The following SLFN12 variants were observed in gnomAD, a reference collection of about 807,000 sequenced individuals.
The protein encoded by SLFN12 is schlafen family member 12.
A neutral mutation model predicts 29.1 loss-of-function variants in SLFN12; 25 were observed. The ratio of observed to expected loss-of-function variants is 0.86; its 90% CI spans 0.63 to 1.20. The LOEUF is 1.20. Among genes scored for constraint, SLFN12 ranks in the 50% most tolerant of loss-of-function variants. SLFN12 has a pLI of 0.00. For missense variants in SLFN12, 660 were observed against 666.2 expected (o/e 0.99, Z 0.10); for synonymous variants, 257 against 238.7 (o/e 1.08, Z -0.71).
At chr17:35,425,332 T>C (rs1567851526) in intron 1 of SLFN12, among the ~76,000 whole-genome samples, 1 of 152,170 alleles carries the variant, frequency 6.6e-6, no homozygotes. Flanking sequence ...ATACAACATA[T>C]TGTTAACTAT....
intron 2 of SLFN12, among the ~76,000 whole-genome samples, chr17:35,421,595 A>C (rs1911653962): frequency 7.8e-6 from 1 of 128,208 alleles, no homozygotes; most frequent in African/African-American, 3.1e-5. Flanking sequence ...GCTGGAGTGC[A>C]GTGGCGCAAT....
chr17:35,420,529 G>A (rs2142038970), intron 2 of SLFN12, 148 bp from the exon 3 acceptor site: 1 of 522,026 alleles, frequency 1.9e-6, no homozygotes, highest in South Asian at 3.3e-5. Flanking sequence ...AGATTCTTAG[G>A]TCAGATACAA....
intron 1 of SLFN12, among the ~76,000 whole-genome samples, chr17:35,428,046 G>A (rs1912108731): frequency 1.3e-5 from 2 of 152,108 alleles, no homozygotes; most frequent in East Asian, 3.9e-4. Flanking sequence ...CTGAATCTGT[G>A]GAAATAAAGG....
chr17:35,423,066 T>C lies in SLFN12; in HGVS notation c.-38A>G. The C allele has an allele frequency of 3.2e-6, 5 of 1,561,646 alleles. No homozygotes were observed. The highest frequency in any genetic ancestry group is 4.3e-6 in the Non-Finnish European group (5 of 1,157,496). ...TATGCAGTGTCCAAGCAGAAATTCTTTTCTGTAAAATAGACAGAGCCATTA... is the reference window on the plus strand; with the variant it reads ...TATGCAGTGTCCAAGCAGAAATTCTCTTCTGTAAAATAGACAGAGCCATTA... On this transcript the variant is annotated splice_region_variant and 5_prime_UTR_variant, in exon 2 of 4. Coordinates refer to ENST00000304905, the MANE Select transcript of SLFN12 (RefSeq NM_018042.5).
In SLFN12 at chr17:35,422,727, T is replaced by C. The variant is rs1453128771; in HGVS notation, c.302A>G (p.Asn101Ser). 5 of 1,614,050 alleles carry C rather than the reference T, an allele frequency of 3.1e-6. No individual in the cohort carries two copies. The highest frequency in any genetic ancestry group is 1.7e-5 in the Admixed American group (1 of 60,022). ...PEYLDFMQNGNYFLIFVKSWS... is the reference protein window; with the variant it reads ...PEYLDFMQNGSYFLIFVKSWS... ...TGACTTCACAAAAATCAGAAAGTAG[T>C]TACCATTCTGCATGAAGTCTAAGTA... is the stretch of plus-strand genomic sequence containing the variant. The change falls in exon 2 of 4, where the codon AAC becomes AGC. Residue 101 changes from asparagine (N) to serine (S), a missense_variant. Asn to Ser is a conservative substitution (Grantham distance 46, BLOSUM62 1). Coordinates refer to ENST00000304905, the MANE Select transcript of SLFN12 (RefSeq NM_018042.5).
chr17:35,415,249 A>G (rs1911248339), intron 3 of SLFN12, among the ~76,000 whole-genome samples: 1 of 152,136 alleles, frequency 6.6e-6, no homozygotes, highest in East Asian at 1.9e-4. Flanking sequence ...AAAACAAGCA[A>G]AAACAAAGTG....
At chr17:35,421,506 G>A (rs1831422882) in intron 2 of SLFN12, among the ~76,000 whole-genome samples, 1 of 150,444 alleles carries the variant, frequency 6.6e-6, no homozygotes, top group Admixed American at 6.6e-5. Context: ...TTCTTCTAAG[G>A]GTATAGAAGA....
In SLFN12 at chr17:35,422,393, T is replaced by C; in HGVS notation, c.636A>G (p.Glu212=). ...THVEIKNFST[E]KLLQRIKEIL... ...TCTCTTTAATTCGTTGTAACAACTT[T>C]TCTGTCGAGAAGTTTTTAATTTCAA... The change falls in exon 2 of 4, where the codon GAA becomes GAG. Residue 212 remains glutamate, a synonymous_variant. Coordinates refer to ENST00000304905, the MANE Select transcript of SLFN12 (RefSeq NM_018042.5). The C allele has an allele frequency of 6.2e-7, 1 of 1,613,956 alleles. No individual in the cohort carries two copies. The highest frequency in any genetic ancestry group is 2.2e-5 in the East Asian group (1 of 44,882).
intron 1 of SLFN12, among the ~76,000 whole-genome samples, chr17:35,425,647 C>A (rs1911966766): frequency 6.6e-6 from 1 of 151,846 alleles, no homozygotes; most frequent in South Asian, 2.1e-4. Context: ...ATATGTACCA[C>A]TTTTTCTTTA....
At chr17:35,421,209 A>AAAATAAATAAATAAAT (rs71152711) in intron 2 of SLFN12, among the ~76,000 whole-genome samples, 2 of 140,238 alleles carry the variant, frequency 1.4e-5, no homozygotes, top group Non-Finnish European at 3.1e-5. Context: ...ACTCCGTCTC[A>AAAATAAATAAATAAAT]AAATAAATAA....
In SLFN12 at chr17:35,423,120, A is replaced by T. The variant is rs973965399; in HGVS notation, c.-40-52T>A. Reference sequence around the variant, plus strand: ...TAGGACCTGAACTAGAAAGATAGCAAATTCTGTATTATGAGGCAAATGCAA... The same window carrying T: ...TAGGACCTGAACTAGAAAGATAGCATATTCTGTATTATGAGGCAAATGCAA... On this transcript the variant is annotated intron_variant, in intron 1 of 3. Transcript: ENST00000304905. 1.4e-4 allele frequency: 207 copies of T among 1,503,080 alleles called. 1 individual carries two copies. Among genetic ancestry groups the T allele is most frequent in the East Asian group, 6.8e-5 (3 of 44,192 alleles). The allele number at this position is 1,503,080 out of a possible 1,614,324, so 93.1% of individuals were successfully genotyped here.
intron 3 of SLFN12, among the ~76,000 whole-genome samples, chr17:35,418,549 T>C (rs188376406): frequency 6.6e-6 from 1 of 151,336 alleles, no homozygotes; most frequent in East Asian, 1.9e-4. Flanking sequence ...ATGATACTTA[T>C]TGTAAGAATA....
In SLFN12 at chr17:35,432,305, C is replaced by T. The variant is rs999243904; in HGVS notation, c.-158G>A. On this transcript the variant is annotated 5_prime_UTR_variant, in exon 1 of 4. Coordinates refer to ENST00000304905, the MANE Select transcript of SLFN12 (RefSeq NM_018042.5). ...CAAGGAAAGAATGAAGCAACAAAAGCAGAGATTTATTGAAAACGAAAGTGC... is the reference window on the plus strand; with the variant it reads ...CAAGGAAAGAATGAAGCAACAAAAGTAGAGATTTATTGAAAACGAAAGTGC... 7.0e-4 allele frequency: 107 copies of T among 152,302 alleles called. 1 individual carries two copies. Among genetic ancestry groups the T allele is most frequent in the African/African-American group, 2.5e-3 (104 of 41,560 alleles). 9.4% of individuals were successfully genotyped at this position (152,302 alleles called of 1,614,324 possible).
intron 1 of SLFN12, among the ~76,000 whole-genome samples, chr17:35,428,093 C>CAAATATA (rs1255529431): frequency 6.6e-6 from 1 of 151,914 alleles, no homozygotes; most frequent in African/African-American, 2.4e-5. Flanking sequence ...TGAACCTGTG[C>CAAATATA]CTTAGGTACA....
chr17:35,429,269 G>A (rs1334337182), intron 1 of SLFN12, among the ~76,000 whole-genome samples: 3 of 152,040 alleles, frequency 2.0e-5, no homozygotes, highest in African/African-American at 4.8e-5. Flanking sequence ...GGGAGCTGCA[G>A]TTGAGCCACC....
chr17:35,423,845 G>A (rs780245926), intron 1 of SLFN12, among the ~76,000 whole-genome samples: 19 of 152,064 alleles, frequency 1.2e-4, no homozygotes, highest in South Asian at 2.1e-4. Flanking sequence ...AAGGGACCCC[G>A]GAACACTAGC....
In SLFN12 at chr17:35,411,105, A is replaced by T. The variant is rs2142026969; in HGVS notation, c.*233T>A. On this transcript the variant is annotated 3_prime_UTR_variant, in exon 4 of 4. Transcript: ENST00000304905. ...AAGAAAATTTATTCAGGAACTACAG[A>T]CAGAGTAAATAATACTGTGCACAGA... 1 of 306,232 alleles carries T rather than the reference A, an allele frequency of 3.3e-6. No homozygotes were observed. The highest frequency in any genetic ancestry group is 9.6e-4 in the Middle Eastern group (1 of 1,038). 19.0% of individuals were successfully genotyped at this position (306,232 alleles called of 1,614,324 possible). A position where few individuals can be genotyped will look rare whatever the true frequency, so the allele number is the denominator to read the frequency against.
In SLFN12 at chr17:35,422,194, C is replaced by T; in HGVS notation, c.835G>A (p.Glu279Lys). 1 of 1,614,132 alleles carries T rather than the reference C, an allele frequency of 6.2e-7. No homozygotes were observed. Among genetic ancestry groups the T allele is most frequent in the Non-Finnish European group, 8.5e-7 (1 of 1,180,006 alleles). Residue 279 changes from glutamate (E) to lysine (K), a missense_variant, in exon 2 of 4, where the codon GAG (glutamate) becomes AAG (lysine). Transcript: ENST00000304905. ...CATGAATAATTTATCTTCTTCTTCT[C>T]CATACAGAAGTGATGCACAGGCATC... is the stretch of plus-strand genomic sequence containing the variant. ...RKMPVHHFCMEKKKINYSCKF... is the reference protein window; with the variant it reads ...RKMPVHHFCMKKKKINYSCKF...
rs769977368 is a variant in SLFN12, at chr17:35,411,966, AG to A, written c.1148-40del. ...TAATAATAATAAATTATAAAACACT[AG>A]GAAGTTCCCATTTAAGCCATGGCAA... On this transcript the variant is annotated intron_variant, in intron 3 of 3. Coordinates refer to ENST00000304905, the MANE Select transcript of SLFN12 (RefSeq NM_018042.5). 15 of 1,439,880 alleles carry A rather than the reference AG, an allele frequency of 1.0e-5. No homozygotes were observed. The South Asian group carries it at 1.2e-4, about 12-fold the overall frequency. 89.2% of individuals were successfully genotyped at this position (1,439,880 alleles called of 1,614,324 possible). A position where few individuals can be genotyped will look rare whatever the true frequency, so the allele number is the denominator to read the frequency against.
Sources: gnomAD v4.1 joint callset for allele counts (sites outside exome capture counted in the v4.1 genomes callset) on GRCh38, gnomAD v4.1.1 for gene constraint, MANE v1.5 for transcripts, NCBI Gene and HGNC (gene_info 2026-07-23, HGNC 2026-07-21) for gene names.